FRAS1: variants seen among roughly 807,000 people sequenced by gnomAD.
The protein encoded by FRAS1 is Fraser extracellular matrix complex subunit 1.
In FRAS1, 290 loss-of-function variants were observed where a neutral mutation model predicts 435.2. The observed-to-expected ratio is 0.67, with a 90% CI of 0.61 to 0.73. The LOEUF (loss-of-function observed/expected upper bound fraction) is 0.73, where lower values mean the gene tolerates loss of function less well. Ranked by LOEUF, FRAS1 falls within the 30% of genes least tolerant of loss-of-function variation. FRAS1 has a pLI of 0.00. For synonymous variants in FRAS1, 1,800 were observed against 1,851.0 expected (o/e 0.97, Z 0.71); for missense variants, 4,860 against 5,001.5 (o/e 0.97, Z 0.85).
At chr4:78,452,501 G>C (rs1464094386) in intron 47 of FRAS1, 147 bp downstream of exon 47, 4 of 613,052 alleles carry the variant, frequency 6.5e-6, no homozygotes, top group African/African-American at 5.6e-5. Context: ...TTATACACTG[G>C]CTTGTATTAT....
intron 2 of FRAS1, among the ~76,000 whole-genome samples, chr4:78,186,670 T>C (rs901655665): frequency 6.6e-6 from 1 of 152,228 alleles, no homozygotes; most frequent in African/African-American, 2.4e-5. Flanking sequence ...TCTTCAATGA[T>C]TTCCCAGTAG....
At chr4:78,060,704 A>G (rs554459541) in intron 1 of FRAS1, among the ~76,000 whole-genome samples, 1 of 152,276 alleles carries the variant, frequency 6.6e-6, no homozygotes, top group Admixed American at 6.5e-5. Context: ...TTTGCGCTAT[A>G]GTTCTGTCAT....
intron 61 of FRAS1, among the ~76,000 whole-genome samples, chr4:78,504,312 C>G (rs1164370570): frequency 6.6e-6 from 1 of 152,160 alleles, no homozygotes; most frequent in African/African-American, 2.4e-5. Flanking sequence ...TATTGACTGA[C>G]AGTGGAGTGT....
chr4:78,518,424 A>ATATATATATATATATATG (rs1170145593), intron 66 of FRAS1, among the ~76,000 whole-genome samples: 297 of 16,668 alleles, frequency 0.018, 3 homozygotes, highest in African/African-American at 0.026. Flanking sequence ...TTTGTTGTGT[A>ATATATATATATATATATG]TATATATATA....
chr4:78,117,129 G>T (rs1039701057), intron 2 of FRAS1, among the ~76,000 whole-genome samples: 36 of 152,076 alleles, frequency 2.4e-4, no homozygotes, highest in African/African-American at 9.7e-5. Context: ...GGTTGAAAAT[G>T]CTTGTCTTTA....
intron 2 of FRAS1, among the ~76,000 whole-genome samples, chr4:78,094,245 T>C (rs1200217525): frequency 1.3e-5 from 2 of 151,380 alleles, no homozygotes; most frequent in African/African-American, 4.9e-5. Flanking sequence ...AAATGAAAGG[T>C]GAGGTCAATG....
chr4:78,415,039 T>C (rs940763975), intron 32 of FRAS1, among the ~76,000 whole-genome samples: 1 of 152,172 alleles, frequency 6.6e-6, no homozygotes, highest in Non-Finnish European at 1.5e-5. Context: ...AACTTAATCC[T>C]ATACTAGAAT....
At chr4:78,183,736 G>GTGTGTGTA (rs1328348193) in intron 2 of FRAS1, among the ~76,000 whole-genome samples, 1 of 128,792 alleles carries the variant, frequency 7.8e-6, no homozygotes, top group Admixed American at 7.3e-5. Context: ...TTCTCTTTGT[G>GTGTGTGTA]TGTGTGTGTG....
chr4:78,274,923 C>G (rs948706549), intron 9 of FRAS1, among the ~76,000 whole-genome samples: 19 of 152,150 alleles, frequency 1.2e-4, no homozygotes, highest in African/African-American at 4.6e-4. Context: ...GTGTTAAAGT[C>G]TCCCATTATT....
chr4:78,450,555 A>AGCATTGGTG (rs980623881), intron 45 of FRAS1: 8 of 523,786 alleles, frequency 1.5e-5, no homozygotes, highest in African/African-American at 1.4e-4. Context: ...GCTTTGACTT[A>AGCATTGGTG]GCATTGGTGG....
intron 2 of FRAS1, among the ~76,000 whole-genome samples, chr4:78,152,758 G>C (rs1329782856): frequency 6.6e-6 from 1 of 151,972 alleles, no homozygotes; most frequent in Non-Finnish European, 1.5e-5. Context: ...AGGTCTCACT[G>C]TGTGCTGAAG....
At chr4:78,366,971 G>A (rs1731297357) in intron 22 of FRAS1, among the ~76,000 whole-genome samples, 1 of 152,192 alleles carries the variant, frequency 6.6e-6, no homozygotes, top group Non-Finnish European at 1.5e-5. Context: ...CTGTTTCTCA[G>A]TGTGACACTA....
chr4:78,213,994 T>G (rs1334667196), intron 2 of FRAS1, among the ~76,000 whole-genome samples: 1 of 152,206 alleles, frequency 6.6e-6, no homozygotes, highest in Non-Finnish European at 1.5e-5. Context: ...TGCCGCTGAA[T>G]TTAGCACGGA....
intron 2 of FRAS1, chr4:78,071,781 T>TG (rs1038149260): frequency 2.7e-5 from 4 of 150,922 alleles, no homozygotes; most frequent in Non-Finnish European, 5.9e-5. Context: ...GCTACTATAT[T>TG]GGACAGTGCA....
intron 2 of FRAS1, chr4:78,071,772 C>T (rs1163565516): frequency 6.6e-6 from 1 of 151,708 alleles, no homozygotes; most frequent in Non-Finnish European, 1.5e-5. Context: ...TAGATAGTGG[C>T]TACTATATTG....
intron 2 of FRAS1, among the ~76,000 whole-genome samples, chr4:78,145,158 T>C (rs1471507837): frequency 6.6e-6 from 1 of 152,168 alleles, no homozygotes; most frequent in African/African-American, 2.4e-5. Context: ...AAAATAAGCT[T>C]CATCTAAATC....
intron 3 of FRAS1, 32 bp downstream of exon 3, chr4:78,237,649 T>C: frequency 7.7e-7 from 1 of 1,302,436 alleles, no homozygotes; most frequent in Non-Finnish European, 1.1e-6. Flanking sequence ...CTAAATGTAT[T>C]GGTAAAGTCA....
rs1295759844 is a variant in FRAS1, at chr4:78,284,446, G to A, written c.1297G>A (p.Asp433Asn). 2.5e-6 allele frequency: 4 copies of A among 1,613,884 alleles called. No individual in the cohort carries two copies. The highest frequency in any genetic ancestry group is 3.4e-6 in the Non-Finnish European group (4 of 1,179,848). ...PDCLTCSQSP[D>N]HCDLCQDPTK... ...TTGTTTGACATGCTCTCAGTCTCCA[G>A]ACCACTGTGACCTCTGCCAAGATCC... Residue 433 changes from aspartate to asparagine, a missense_variant, in exon 13 of 74, where the codon GAC becomes AAC. Transcript: ENST00000512123.
chr4:78,539,274 T>C lies in FRAS1; in HGVS notation c.11299-20T>C. On this transcript the variant is annotated intron_variant, in intron 72 of 73. Coordinates refer to ENST00000512123, the MANE Select transcript of FRAS1 (RefSeq NM_025074.7). Reference sequence around the variant, plus strand: ...GAACCATCTTTCTAAATCTTGCATTTCTTTTTTCTGAAATCCTAGGACCGC... The same window carrying C: ...GAACCATCTTTCTAAATCTTGCATTCCTTTTTTCTGAAATCCTAGGACCGC... 1 of 1,598,180 alleles carries C rather than the reference T, an allele frequency of 6.3e-7. No homozygotes were observed. The highest frequency in any genetic ancestry group is 8.5e-7 in the Non-Finnish European group (1 of 1,175,134).
Sources: allele counts gnomAD v4.1 joint callset (sites outside exome capture counted in the v4.1 genomes callset), GRCh38; gene constraint gnomAD v4.1.1; transcripts MANE v1.5; gene names NCBI Gene and HGNC (gene_info 2026-07-23, HGNC 2026-07-21).